TTC6: variants seen among roughly 807,000 people sequenced by gnomAD.
The protein encoded by TTC6 is tetratricopeptide repeat protein 6.
A neutral mutation model predicts 210.4 loss-of-function variants in TTC6; 172 were observed. The ratio of observed to expected loss-of-function variants is 0.82; its 90% CI spans 0.72 to 0.93. The LOEUF (loss-of-function observed/expected upper bound fraction) is 0.93, where lower values mean the gene tolerates loss of function less well. Among genes scored for constraint, TTC6 ranks in the 40% least tolerant of loss-of-function variants. TTC6 has a pLI of 0.00. For synonymous variants in TTC6, 804 were observed against 819.6 expected (o/e 0.98, Z 0.32); for missense variants, 2,414 against 2,318.1 (o/e 1.04, Z -0.85).
At chr14:37,609,929 A>T (rs940967575) in intron 2 of TTC6, among the ~76,000 whole-genome samples, 2 of 152,216 alleles carry the variant, frequency 1.3e-5, no homozygotes, top group African/African-American at 4.8e-5. Flanking sequence ...TGTGATGTAA[A>T]TGCAGTAAAA....
At chr14:37,771,618 C>T (rs2096019120) in intron 14 of TTC6, among the ~76,000 whole-genome samples, 1 of 152,168 alleles carries the variant, frequency 6.6e-6, no homozygotes, top group Non-Finnish European at 1.5e-5. Context: ...CTTCTGCATT[C>T]TTCACGTAGT....
At chr14:37,660,422 C>T (rs2095734974) in intron 1 of TTC6, among the ~76,000 whole-genome samples, 1 of 152,138 alleles carries the variant, frequency 6.6e-6, no homozygotes, top group Non-Finnish European at 1.5e-5. Context: ...TGTTGTTCCC[C>T]TCTCTGTGTC....
intron 29 of TTC6, among the ~76,000 whole-genome samples, chr14:37,833,054 C>CAAAAAA (rs35167770): frequency 7.6e-6 from 1 of 131,640 alleles, no homozygotes; most frequent in Non-Finnish European, 1.6e-5. Flanking sequence ...GAGACTCCAT[C>CAAAAAA]AAAAAAAAAA....
At chr14:37,642,238 C>CA (rs1017568685) in intron 1 of TTC6, among the ~76,000 whole-genome samples, 3 of 152,148 alleles carry the variant, frequency 2.0e-5, no homozygotes, top group Non-Finnish European at 4.4e-5. Context: ...TCAGCAAGAA[C>CA]CAAGGATTTG....
intron 1 of TTC6, among the ~76,000 whole-genome samples, chr14:37,667,937 C>T (rs1040478386): frequency 1.3e-5 from 2 of 150,500 alleles, no homozygotes; most frequent in Non-Finnish European, 3.0e-5. Context: ...GAGTTCAAGA[C>T]CAGCCTGGCC....
chr14:37,842,161 C>A, exon 31 of TTC6: 1 of 1,557,678 alleles, frequency 6.4e-7, no homozygotes, highest in East Asian at 2.4e-5. Flanking sequence ...GCAGCCCTGT[C>A]TTTGAAGCCT....
chr14:37,712,683 C>T (rs1161330341), intron 5 of TTC6, among the ~76,000 whole-genome samples: 2 of 152,078 alleles, frequency 1.3e-5, no homozygotes, highest in African/African-American at 4.8e-5. Flanking sequence ...GGAAAAGCCC[C>T]TTATGAAACC....
chr14:37,810,518 G>A (rs898167075), intron 24 of TTC6, among the ~76,000 whole-genome samples: 6 of 152,160 alleles, frequency 3.9e-5, no homozygotes, highest in African/African-American at 1.2e-4. Flanking sequence ...GTAGGGAGAG[G>A]TTTGAAAACC....
At chr14:37,787,893 G>A (rs2096071573) in intron 15 of TTC6, among the ~76,000 whole-genome samples, 1 of 89,296 alleles carries the variant, frequency 1.1e-5, no homozygotes, top group Non-Finnish European at 2.2e-5. Context: ...GTGTGTCTGT[G>A]TGTGTGTGTG....
At chr14:37,740,046 C>T (rs553369649) in intron 10 of TTC6, among the ~76,000 whole-genome samples, 2 of 151,912 alleles carry the variant, frequency 1.3e-5, no homozygotes, top group East Asian at 3.9e-4. Context: ...CACCTGTAGT[C>T]CCAGCTGTTC....
chr14:37,788,567 C>G (rs2096072865), intron 15 of TTC6, among the ~76,000 whole-genome samples: 1 of 152,178 alleles, frequency 6.6e-6, no homozygotes, highest in Non-Finnish European at 1.5e-5. Flanking sequence ...CCCTCTATTT[C>G]CAGTGATTCT....
At chr14:37,768,281 C>T (rs1288721869) in intron 14 of TTC6, among the ~76,000 whole-genome samples, 4 of 150,728 alleles carry the variant, frequency 2.7e-5, no homozygotes, top group African/African-American at 7.3e-5. Flanking sequence ...CTTGGTGATG[C>T]GGGCTCTTTT....
intron 1 of TTC6, among the ~76,000 whole-genome samples, chr14:37,655,613 T>A (rs572801531): frequency 6.6e-6 from 1 of 152,236 alleles, no homozygotes; most frequent in East Asian, 1.9e-4. Flanking sequence ...TCCTAACAGC[T>A]CCTCCCAGGC....
At chr14:37,827,327 T>C in exon 29 of TTC6, 1 of 1,613,214 alleles carries the variant, frequency 6.2e-7, no homozygotes, top group Non-Finnish European at 8.5e-7. Context: ...CTTACTTTAA[T>C]GCAGGAAATA....
At chr14:37,679,135 A>G (rs1284793708) in intron 1 of TTC6, among the ~76,000 whole-genome samples, 1 of 152,064 alleles carries the variant, frequency 6.6e-6, no homozygotes, top group Admixed American at 6.6e-5. Context: ...GGTGAAAGGA[A>G]CGCTTGAGCC....
chr14:37,828,290 A>G (rs1035358182), intron 29 of TTC6, among the ~76,000 whole-genome samples: 1 of 152,036 alleles, frequency 6.6e-6, no homozygotes, highest in African/African-American at 2.4e-5. Context: ...CTTTTTATTT[A>G]TAGTCACTCT....
intron 14 of TTC6, among the ~76,000 whole-genome samples, chr14:37,757,409 T>C (rs2095971399): frequency 6.6e-6 from 1 of 152,022 alleles, no homozygotes; most frequent in Admixed American, 6.6e-5. Context: ...TACAGGTGTC[T>C]GCCACCATGC....
chr14:37,804,682 A>T, exon 21 of TTC6: 1 of 1,611,256 alleles, frequency 6.2e-7, no homozygotes, highest in Non-Finnish European at 8.5e-7. Flanking sequence ...CATTATAGGA[A>T]GCTGTGGAAG....
chr14:37,789,364 A>T (rs939808783), intron 15 of TTC6, among the ~76,000 whole-genome samples: 1 of 151,772 alleles, frequency 6.6e-6, no homozygotes, highest in East Asian at 1.9e-4. Context: ...TGTTAAGAGC[A>T]GCCACCCAAA....
Sources: allele counts gnomAD v4.1 joint callset (sites outside exome capture counted in the v4.1 genomes callset), GRCh38; gene constraint gnomAD v4.1.1; transcripts MANE v1.5; gene names NCBI Gene and HGNC (gene_info 2026-07-23, HGNC 2026-07-21).